The following TTC28 variants were observed in gnomAD, a reference collection of about 807,000 sequenced individuals.
The protein encoded by TTC28 is tetratricopeptide repeat protein 28.
Under a neutral mutation model 198.0 loss-of-function variants are expected in TTC28, and 61 were observed. The observed-to-expected ratio is 0.31, with a 90% CI of 0.25 to 0.38. TTC28 has a LOEUF of 0.38. TTC28 is among the 10% of genes least tolerant of loss of function. The probability of loss-of-function intolerance (pLI) is 1.00; values close to 1 mark genes in which losing one functional copy is unlikely to be tolerated. For synonymous variants in TTC28, 1,171 were observed against 1,297.8 expected (o/e 0.90, Z 2.10); for missense variants, 2,678 against 3,164.0 (o/e 0.85, Z 3.69).
At chr22:28,655,413 G>C (rs2051629421) in intron 1 of TTC28, among the ~76,000 whole-genome samples, 1 of 152,088 alleles carries the variant, frequency 6.6e-6, no homozygotes, top group South Asian at 2.1e-4. Context: ...TTTAAAAATA[G>C]TCCTGTGTCT....
intron 2 of TTC28, among the ~76,000 whole-genome samples, chr22:28,510,405 T>G (rs1456904116): frequency 1.3e-5 from 2 of 152,110 alleles, no homozygotes; most frequent in African/African-American, 4.8e-5. Flanking sequence ...TAAACAGAAC[T>G]GAAGACAAAA....
At chr22:28,423,479 A>T (rs2146179212) in intron 2 of TTC28, among the ~76,000 whole-genome samples, 2 of 152,338 alleles carry the variant, frequency 1.3e-5, no homozygotes, top group Middle Eastern at 3.4e-3. Context: ...TCCCCACAAA[A>T]TTCAGTAAAG....
chr22:28,462,531 C>G (rs565323294), intron 2 of TTC28, among the ~76,000 whole-genome samples: 1 of 152,292 alleles, frequency 6.6e-6, no homozygotes, highest in Non-Finnish European at 1.5e-5. Context: ...TAACTTTCAT[C>G]CTGTTGCTGC....
intron 2 of TTC28, among the ~76,000 whole-genome samples, chr22:28,357,111 T>G (rs1431537524): frequency 6.6e-6 from 1 of 152,082 alleles, no homozygotes; most frequent in African/African-American, 2.4e-5. Flanking sequence ...ATTAAAAAAC[T>G]GACTCAGAAA....
At chr22:28,672,327 A>G (rs1459748142) in intron 1 of TTC28, among the ~76,000 whole-genome samples, 1 of 151,874 alleles carries the variant, frequency 6.6e-6, no homozygotes, top group African/African-American at 2.4e-5. Flanking sequence ...GCCACCATGC[A>G]CAGCTACTTT....
At chr22:28,209,086 T>C (rs1411224713) in intron 5 of TTC28, among the ~76,000 whole-genome samples, 1 of 152,216 alleles carries the variant, frequency 6.6e-6, no homozygotes, top group Non-Finnish European at 1.5e-5. Flanking sequence ...CAAATTTTCA[T>C]ACTCTATAGA....
At chr22:28,094,923 C>A (rs528395518) in intron 11 of TTC28, among the ~76,000 whole-genome samples, 1 of 152,148 alleles carries the variant, frequency 6.6e-6, no homozygotes, top group South Asian at 2.1e-4. Flanking sequence ...GGATTAGCGC[C>A]CCCAGTGAAA....
intron 2 of TTC28, among the ~76,000 whole-genome samples, chr22:28,608,098 CAAG>C (rs1428159313): frequency 6.6e-6 from 1 of 152,194 alleles, no homozygotes; most frequent in African/African-American, 2.4e-5. Context: ...TGTACCAACA[CAAG>C]AAGTGTTTCT....
At chr22:28,017,625 A>G (rs1419755459) in intron 13 of TTC28, among the ~76,000 whole-genome samples, 1 of 152,182 alleles carries the variant, frequency 6.6e-6, no homozygotes, top group Non-Finnish European at 1.5e-5. Context: ...CTGGGGATGC[A>G]GGCCGAAGAA....
chr22:28,206,985 A>G (rs1197969613), intron 5 of TTC28, among the ~76,000 whole-genome samples: 2 of 152,182 alleles, frequency 1.3e-5, no homozygotes, highest in Non-Finnish European at 2.9e-5. Flanking sequence ...CAGGACAAGT[A>G]ATTCATTCCA....
chr22:28,176,976 C>A (rs1371585291), intron 5 of TTC28, among the ~76,000 whole-genome samples: 7 of 151,972 alleles, frequency 4.6e-5, no homozygotes, highest in African/African-American at 1.4e-4. Context: ...ATCTACATGA[C>A]CTTTATATAT....
At chr22:28,502,399 G>C (rs2048548938) in intron 2 of TTC28, among the ~76,000 whole-genome samples, 1 of 152,102 alleles carries the variant, frequency 6.6e-6, no homozygotes, top group Admixed American at 6.5e-5. Flanking sequence ...CCAGCACTTT[G>C]GGAGGCCGAG....
intron 2 of TTC28, among the ~76,000 whole-genome samples, chr22:28,516,390 C>T (rs916646957): frequency 6.6e-5 from 10 of 152,136 alleles, no homozygotes; most frequent in South Asian, 2.1e-4. Flanking sequence ...ATAGGTGCCA[C>T]GCTTTAGGAT....
At chr22:28,386,262 G>C (rs1315325544) in intron 2 of TTC28, among the ~76,000 whole-genome samples, 1 of 80,452 alleles carries the variant, frequency 1.2e-5, no homozygotes. Context: ...GCGACAGAGC[G>C]AGACTCCGTC....
In TTC28 at chr22:27,983,197, A is replaced by C. The variant is rs1383194327; in HGVS notation, c.6470T>G (p.Leu2157Arg). 1 of 1,551,522 alleles carries C rather than the reference A, an allele frequency of 6.4e-7. No homozygotes were observed. The highest frequency in any genetic ancestry group is 8.7e-7 in the Non-Finnish European group (1 of 1,146,992). ...TTTCTGGGCTAACTCTTGTGGATCC[A>C]GTTTTGGGTTGCTTTCTTCTTGGGA... is the stretch of plus-strand genomic sequence containing the variant. ...VKSQEESNPK[L>R]DPQELAQKIL... Residue 2157 changes from leucine (L) to arginine (R), a missense_variant, in exon 23 of 23, where the codon CTG becomes CGG. Coordinates refer to ENST00000397906, the MANE Select transcript of TTC28 (RefSeq NM_001145418.2).
intron 5 of TTC28, among the ~76,000 whole-genome samples, chr22:28,168,504 C>A (rs1175841014): frequency 2.6e-5 from 4 of 152,114 alleles, no homozygotes; most frequent in Non-Finnish European, 4.4e-5. Context: ...ACAGAGCCCT[C>A]AGAAATAATG....
chr22:28,264,239 G>T (rs924996968), intron 5 of TTC28, among the ~76,000 whole-genome samples: 1 of 152,040 alleles, frequency 6.6e-6, no homozygotes, highest in Non-Finnish European at 1.5e-5. Flanking sequence ...TTATAAAGGG[G>T]AGTTCCCCTG....
At chr22:28,250,943 C>G (rs61114465) in intron 5 of TTC28, among the ~76,000 whole-genome samples, 1 of 152,136 alleles carries the variant, frequency 6.6e-6, no homozygotes, top group African/African-American at 2.4e-5. Context: ...GTGGTTGGCA[C>G]TACAGAAGCT....
intron 16 of TTC28, 33 bp downstream of exon 16, chr22:27,998,507 T>G: frequency 2.6e-6 from 4 of 1,531,296 alleles, no homozygotes; most frequent in Non-Finnish European, 3.5e-6. Flanking sequence ...GCCCCAGGCC[T>G]TGACAGGCAC....
Sources: allele counts gnomAD v4.1 joint callset (sites outside exome capture counted in the v4.1 genomes callset), GRCh38; gene constraint gnomAD v4.1.1; transcripts MANE v1.5; gene names NCBI Gene and HGNC (gene_info 2026-07-23, HGNC 2026-07-21).